CLYBL: variants seen among roughly 807,000 people sequenced by gnomAD.
CLYBL encodes the protein citramalyl-CoA lyase, mitochondrial.
Under a neutral mutation model 38.9 loss-of-function variants are expected in CLYBL, and 31 were observed. The ratio of observed to expected loss-of-function variants is 0.80; its 90% CI spans 0.60 to 1.08. CLYBL has a LOEUF of 1.08. Ranked by LOEUF, CLYBL falls within the 50% of genes least tolerant of loss-of-function variation. The pLI, the probability that CLYBL is intolerant of heterozygous loss-of-function variation, is 0.00. For missense variants in CLYBL, 434 were observed against 411.6 expected, an observed-to-expected ratio of 1.05 and a Z score of -0.47; for synonymous variants, 171 against 158.6, an observed-to-expected ratio of 1.08 and a Z score of -0.59.
intron 1 of CLYBL, among the ~76,000 whole-genome samples, chr13:99,653,878 G>C (rs2047290490): frequency 6.6e-6 from 1 of 152,190 alleles, no homozygotes; most frequent in African/African-American, 2.4e-5. Flanking sequence ...TAGGATATAA[G>C]TGAGGATACA....
intron 1 of CLYBL, among the ~76,000 whole-genome samples, chr13:99,640,861 A>G (rs2047082662): frequency 6.6e-6 from 1 of 152,244 alleles, no homozygotes; most frequent in African/African-American, 2.4e-5. Flanking sequence ...ACCTAAATGC[A>G]CACGTGGATA....
chr13:99,833,949 C>T (rs1344881769), intron 2 of CLYBL, among the ~76,000 whole-genome samples: 1 of 152,062 alleles, frequency 6.6e-6, no homozygotes, highest in East Asian at 1.9e-4. Context: ...ATCTGCCCAC[C>T]TCAGCCTGCC....
At chr13:99,709,517 T>C (rs2048195639) in intron 1 of CLYBL, among the ~76,000 whole-genome samples, 1 of 151,376 alleles carries the variant, frequency 6.6e-6, no homozygotes, top group Non-Finnish European at 1.5e-5. Flanking sequence ...CTTTTCTTTC[T>C]TTTTTTACAA....
intron 1 of CLYBL, among the ~76,000 whole-genome samples, chr13:99,696,980 A>G (rs2047989597): frequency 1.3e-5 from 2 of 152,184 alleles, no homozygotes; most frequent in African/African-American, 4.8e-5. Context: ...AACAGAGCTT[A>G]TCTTTTTCTA....
downstream of CLYBL, chr13:99,894,627 T>C (rs2052549389): frequency 6.7e-6 from 1 of 150,258 alleles, no homozygotes; most frequent in Non-Finnish European, 1.5e-5. Flanking sequence ...CAAAGCCCCG[T>C]CACGGGAAAA....
At chr13:99,688,417 T>C (rs1434551940) in intron 1 of CLYBL, among the ~76,000 whole-genome samples, 1 of 152,254 alleles carries the variant, frequency 6.6e-6, no homozygotes, top group Non-Finnish European at 1.5e-5. Context: ...TGATTTCATA[T>C]ACTTTGTAAG....
intron 1 of CLYBL, among the ~76,000 whole-genome samples, chr13:99,650,774 C>T (rs926386856): frequency 1.3e-5 from 2 of 152,220 alleles, no homozygotes; most frequent in African/African-American, 4.8e-5. Flanking sequence ...CTCCTCTCTC[C>T]TGTCCATCTT....
At chr13:99,698,316 C>G (rs934753614) in intron 1 of CLYBL, among the ~76,000 whole-genome samples, 1 of 145,588 alleles carries the variant, frequency 6.9e-6, no homozygotes, top group Admixed American at 7.0e-5. Flanking sequence ...CTCAGCCTCC[C>G]GAGTAGTGCC....
intron 1 of CLYBL, among the ~76,000 whole-genome samples, chr13:99,757,455 T>A (rs907999828): frequency 1.3e-5 from 2 of 152,090 alleles, no homozygotes; most frequent in Admixed American, 6.6e-5. Flanking sequence ...ATTTTATTTT[T>A]ATTTATTTAT....
At chr13:99,797,307 A>G (rs1311800627) in intron 2 of CLYBL, among the ~76,000 whole-genome samples, 3 of 152,192 alleles carry the variant, frequency 2.0e-5, no homozygotes, top group Non-Finnish European at 2.9e-5. Context: ...AGTATATTTA[A>G]GATTTAAGAT....
intron 1 of CLYBL, among the ~76,000 whole-genome samples, chr13:99,609,559 A>G (rs1594080894): frequency 1.3e-5 from 2 of 152,022 alleles, no homozygotes; most frequent in East Asian, 3.9e-4. Flanking sequence ...TTTTTGGAGA[A>G]TGAGTCTCAC....
At chr13:99,745,563 C>A (rs1157396565) in intron 1 of CLYBL, among the ~76,000 whole-genome samples, 2 of 152,184 alleles carry the variant, frequency 1.3e-5, no homozygotes, top group Non-Finnish European at 2.9e-5. Context: ...ATTAAACATA[C>A]TTCAAAAACA....
chr13:99,829,632 G>A (rs1312415330), intron 2 of CLYBL, among the ~76,000 whole-genome samples: 1 of 152,162 alleles, frequency 6.6e-6, no homozygotes, highest in Non-Finnish European at 1.5e-5. Flanking sequence ...AGACCAATAG[G>A]TGCTTTTGAC....
Position 99,871,834 on chromosome 13 carries a change from G to T in CLYBL, c.927+772G>T, listed in dbSNP as rs899143718. Among the ~76,000 whole-genome samples, 3 of 152,026 alleles carry T rather than the reference G, an allele frequency of 2.0e-5. No homozygotes were observed. The South Asian group carries it at 6.2e-4, about 32-fold the overall frequency. Reference sequence around the variant, plus strand: ...TGCCTCTTTTTAAGAGGATAGGAGGGAAAGTTACATTTATAAATCTATCCT... The same window carrying T: ...TGCCTCTTTTTAAGAGGATAGGAGGTAAAGTTACATTTATAAATCTATCCT... On this transcript the variant is annotated intron_variant, in intron 7 of 8. Transcript: ENST00000339105.
chr13:99,908,028 T>C (rs150084063), intron 9 of CLYBL, among the ~76,000 whole-genome samples: 3 of 152,290 alleles, frequency 2.0e-5, no homozygotes, highest in Non-Finnish European at 4.4e-5. Context: ...AAAAGTAACC[T>C]GAGCTCCAGT....
At chr13:99,696,330 A>T (rs143723040) in intron 1 of CLYBL, among the ~76,000 whole-genome samples, 80 of 152,062 alleles carry the variant, frequency 5.3e-4, no homozygotes, top group Non-Finnish European at 9.0e-4. Context: ...TCTAGGCCCA[A>T]GAGTTCCTCC....
At position 99,631,702 on chromosome 13, in the gene CLYBL, G is replaced by A. The variant is rs112686576; in HGVS notation, c.62+24945G>A. Among the ~76,000 whole-genome samples, 1,027 of 151,900 alleles carry A rather than the reference G, an allele frequency of 6.8e-3. 6 individuals are homozygous for A. Among genetic ancestry groups the A allele is most frequent in the African/African-American group, 0.024 (992 of 41,388 alleles). ...CAACCTCCACCTCCCGGGTTCAAGC[G>A]ATTCTTCTGCCTCAGCCTCCTGAGT... is the stretch of plus-strand genomic sequence containing the variant. On this transcript the variant is annotated intron_variant, in intron 1 of 8. Transcript: ENST00000339105.
chr13:99,645,426 AG>A (rs1343467332), intron 1 of CLYBL, among the ~76,000 whole-genome samples: 1 of 147,336 alleles, frequency 6.8e-6, no homozygotes, highest in Non-Finnish European at 1.5e-5. Context: ...TGAACACAGG[AG>A]GCAGAGCTTG....
chr13:99,803,027 G>A (rs1381356256), intron 2 of CLYBL, among the ~76,000 whole-genome samples: 1 of 152,166 alleles, frequency 6.6e-6, no homozygotes, highest in East Asian at 1.9e-4. Context: ...TGGCATGATT[G>A]TGGTGGACTC....
Sources: gnomAD v4.1 joint callset for allele counts (sites outside exome capture counted in the v4.1 genomes callset) on GRCh38, gnomAD v4.1.1 for gene constraint, MANE v1.5 for transcripts, NCBI Gene and HGNC (gene_info 2026-07-23, HGNC 2026-07-21) for gene names.